LINGO2: variants seen among roughly 807,000 people sequenced by gnomAD.
LINGO2 encodes leucine-rich repeat and immunoglobulin-like domain-containing nogo receptor-interacting protein 2.
Under a neutral mutation model 30.6 loss-of-function variants are expected in LINGO2, and 14 were observed. The ratio of observed to expected loss-of-function variants is 0.46; its 90% CI spans 0.30 to 0.72. The LOEUF is 0.72. Ranked by LOEUF, LINGO2 falls within the 30% of genes least tolerant of loss-of-function variation. The probability of loss-of-function intolerance (pLI) is 0.07; values close to 1 mark genes in which losing one functional copy is unlikely to be tolerated. For synonymous variants in LINGO2, 317 were observed against 288.5 expected (o/e 1.10, Z -1.00); for missense variants, 729 against 751.7 (o/e 0.97, Z 0.35).
chr9:28,888,913 T>G, the LINGO2 span: 4 of 533,942 alleles, frequency 7.5e-6, no homozygotes, highest in Non-Finnish European at 1.5e-5. Context: ...CAGTCTCCTG[T>G]TCATTTTCAA....
chr9:28,178,952 G>A (rs936823115), intron 4 of LINGO2, among the ~76,000 whole-genome samples: 1 of 151,980 alleles, frequency 6.6e-6, no homozygotes, highest in Admixed American at 6.6e-5. Context: ...GTTATATCAG[G>A]TTTCACCTCT....
intron 4 of LINGO2, among the ~76,000 whole-genome samples, chr9:28,025,667 A>T (rs1214048512): frequency 6.6e-6 from 1 of 152,246 alleles, no homozygotes; most frequent in Admixed American, 6.5e-5. Flanking sequence ...AGGCCAGTTT[A>T]AAACTCATAC....
At chr9:28,035,510 A>G (rs542360218) in intron 4 of LINGO2, among the ~76,000 whole-genome samples, 2 of 152,354 alleles carry the variant, frequency 1.3e-5, no homozygotes, top group South Asian at 2.1e-4. Context: ...CTGAAATGAA[A>G]TAGTCGAATT....
chr9:28,504,969 G>GC (rs748014189), intron 1 of LINGO2, among the ~76,000 whole-genome samples: 9 of 151,796 alleles, frequency 5.9e-5, no homozygotes, highest in Non-Finnish European at 1.2e-4. Context: ...ACAATGAGGA[G>GC]ACCAAAATGA....
the LINGO2 span, among the ~76,000 whole-genome samples, chr9:29,154,322 C>T: frequency 3.3e-5 from 5 of 151,628 alleles, no homozygotes; most frequent in Non-Finnish European, 7.4e-5. Context: ...TGGTGGCGGG[C>T]GCCTGTAGTC....
At chr9:29,037,305 T>C in the LINGO2 span, among the ~76,000 whole-genome samples, 22 of 151,892 alleles carry the variant, frequency 1.4e-4, no homozygotes, top group African/African-American at 5.3e-4. Context: ...TGCCAAATAA[T>C]TGGAAATTTT....
At chr9:27,949,859 G>A (rs1187458983) in exon 6 of LINGO2, 3 of 1,614,036 alleles carry the variant, frequency 1.9e-6, no homozygotes, top group Non-Finnish European at 2.5e-6. Context: ...GGTATACCAG[G>A]TGTTTAAAGG....
At chr9:29,056,031 C>T in the LINGO2 span, among the ~76,000 whole-genome samples, 1 of 151,624 alleles carries the variant, frequency 6.6e-6, no homozygotes, top group Non-Finnish European at 1.5e-5. Context: ...GGCATCTGAG[C>T]AGGTTCCATA....
chr9:29,044,697 T>C, the LINGO2 span, among the ~76,000 whole-genome samples: 1 of 152,006 alleles, frequency 6.6e-6, no homozygotes, highest in South Asian at 2.1e-4. Context: ...AATTTTTAAA[T>C]ATAGTAGAGT....
At chr9:28,336,443 T>C (rs1825591145) in intron 3 of LINGO2, among the ~76,000 whole-genome samples, 1 of 152,188 alleles carries the variant, frequency 6.6e-6, no homozygotes, top group Non-Finnish European at 1.5e-5. Context: ...TATCCATTTT[T>C]TCTTTTTGGA....
chr9:28,632,453 A>AAAGAACAAGAGGATATTCATAAAAT (rs1178068277), intron 1 of LINGO2, among the ~76,000 whole-genome samples: 1 of 151,318 alleles, frequency 6.6e-6, no homozygotes, highest in Non-Finnish European at 1.5e-5. Context: ...TAAAATAAGC[A>AAAGAACAAGAGGATATTCATAAAAT]AAAACGGGGG....
chr9:28,735,668 T>G, the LINGO2 span, among the ~76,000 whole-genome samples: 1 of 152,112 alleles, frequency 6.6e-6, no homozygotes, highest in Non-Finnish European at 1.5e-5. Context: ...TTAAAAAGAA[T>G]AATAATTTTT....
chr9:28,383,373 A>G (rs1821438170), intron 2 of LINGO2, among the ~76,000 whole-genome samples: 1 of 151,024 alleles, frequency 6.6e-6, no homozygotes, highest in African/African-American at 2.4e-5. Context: ...TCTGTTTTTA[A>G]TCTTCCACAA....
intron 1 of LINGO2, among the ~76,000 whole-genome samples, chr9:28,638,404 C>T (rs1485841996): frequency 6.6e-6 from 1 of 152,104 alleles, no homozygotes; most frequent in African/African-American, 2.4e-5. Context: ...GTACCAGCTC[C>T]TCCTTGTACC....
At chr9:28,089,131 C>G (rs749452284) in intron 4 of LINGO2, among the ~76,000 whole-genome samples, 2 of 152,116 alleles carry the variant, frequency 1.3e-5, no homozygotes, top group African/African-American at 4.8e-5. Flanking sequence ...CTTTAACACA[C>G]CATTGTCAAC....
At chr9:28,813,800 A>G in the LINGO2 span, among the ~76,000 whole-genome samples, 1 of 152,196 alleles carries the variant, frequency 6.6e-6, no homozygotes, top group Non-Finnish European at 1.5e-5. Flanking sequence ...GTGAGTTGAA[A>G]CATAAAAAAT....
intron 4 of LINGO2, among the ~76,000 whole-genome samples, chr9:28,100,912 T>G (rs1826396069): frequency 6.6e-6 from 1 of 152,082 alleles, no homozygotes; most frequent in South Asian, 2.1e-4. Flanking sequence ...GAAAACTACA[T>G]TTTGGCAGTG....
At chr9:28,746,878 C>T in the LINGO2 span, among the ~76,000 whole-genome samples, 2 of 151,906 alleles carry the variant, frequency 1.3e-5, no homozygotes, top group African/African-American at 2.4e-5. Flanking sequence ...CCTTACTTTA[C>T]GCCTTTGTGA....
the LINGO2 span, among the ~76,000 whole-genome samples, chr9:29,155,806 C>T: frequency 6.6e-6 from 1 of 151,822 alleles, no homozygotes; most frequent in Non-Finnish European, 1.5e-5. Context: ...GAAAAAATGA[C>T]AGTTTATTCT....
Sources: gnomAD v4.1 joint callset for allele counts (sites outside exome capture counted in the v4.1 genomes callset) on GRCh38, gnomAD v4.1.1 for gene constraint, MANE v1.5 for transcripts, NCBI Gene and HGNC (gene_info 2026-07-23, HGNC 2026-07-21) for gene names.